The following NOL4 variants were observed in gnomAD, a reference collection of about 807,000 sequenced individuals.
NOL4 encodes cancer/testis antigen 125.
NOL4 carries 17 observed loss-of-function variants against 75.9 expected under a neutral mutation model. The observed-to-expected ratio is 0.22, with a 90% CI of 0.15 to 0.34. The LOEUF (loss-of-function observed/expected upper bound fraction) is 0.34. NOL4 is among the 10% of genes least tolerant of loss of function. The pLI is 1.00. For missense variants in NOL4, 614 were observed against 793.5 expected (o/e 0.77, Z 2.72); for synonymous variants, 292 against 289.9 (o/e 1.01, Z -0.07).
intron 1 of NOL4, among the ~76,000 whole-genome samples, chr18:34,179,056 T>A (rs4255845): frequency 0.5 from 74,860 of 150,732 alleles, 18,597 homozygotes; most frequent in Admixed American, 0.56. Flanking sequence ...GAAAATTCAC[T>A]AATGTGGAAA....
intron 1 of NOL4, among the ~76,000 whole-genome samples, chr18:34,131,260 C>A (rs2080638032): frequency 6.6e-6 from 1 of 152,036 alleles, no homozygotes; most frequent in African/African-American, 2.4e-5. Flanking sequence ...GAGCTCACTG[C>A]AAAAACAAAA....
chr18:33,943,202 T>C, intron 8 of NOL4, 24 bp from the exon 9 acceptor site: 2 of 1,527,780 alleles, frequency 1.3e-6, no homozygotes, highest in Non-Finnish European at 1.8e-6. Flanking sequence ...GAGAAAAGTA[T>C]GAAAAAAATT....
intron 6 of NOL4, among the ~76,000 whole-genome samples, chr18:33,983,229 A>G (rs1158644882): frequency 6.6e-6 from 1 of 152,126 alleles, no homozygotes; most frequent in Non-Finnish European, 1.5e-5. Context: ...AAGGATTTTA[A>G]GATACTGAAA....
At chr18:33,862,295 T>C (rs1475160879) in intron 10 of NOL4, among the ~76,000 whole-genome samples, 2 of 152,138 alleles carry the variant, frequency 1.3e-5, no homozygotes, top group Admixed American at 6.6e-5. Context: ...ACTTAAACGT[T>C]AGACCTAAAA....
chr18:34,151,873 G>A (rs1012644612), intron 1 of NOL4, among the ~76,000 whole-genome samples: 3 of 151,648 alleles, frequency 2.0e-5, no homozygotes, highest in Non-Finnish European at 4.4e-5. Flanking sequence ...AATGAGAGGG[G>A]GAAAAGGATA....
chr18:33,975,376 A>G (rs939264097), intron 6 of NOL4, among the ~76,000 whole-genome samples: 2 of 152,232 alleles, frequency 1.3e-5, no homozygotes, highest in Non-Finnish European at 2.9e-5. Context: ...TACAAAGAAG[A>G]AATCTAATTA....
At chr18:33,973,150 C>A (rs2071215205) in intron 6 of NOL4, among the ~76,000 whole-genome samples, 1 of 152,164 alleles carries the variant, frequency 6.6e-6, no homozygotes, top group Admixed American at 6.5e-5. Context: ...TATTCTAAAT[C>A]TTTTTGTTTG....
intron 1 of NOL4, among the ~76,000 whole-genome samples, chr18:34,133,127 C>G (rs2145924677): frequency 6.6e-6 from 1 of 151,964 alleles, no homozygotes; most frequent in South Asian, 2.1e-4. Flanking sequence ...ACAAAATTAG[C>G]TGGGTGTGGT....
At chr18:34,075,558 G>T (rs1324549813) in intron 5 of NOL4, among the ~76,000 whole-genome samples, 4 of 152,030 alleles carry the variant, frequency 2.6e-5, no homozygotes, top group East Asian at 1.9e-4. Flanking sequence ...TGAGCATTTT[G>T]GGTTTCATAT....
At chr18:34,094,147 T>G (rs984007522) in intron 4 of NOL4, among the ~76,000 whole-genome samples, 1 of 152,218 alleles carries the variant, frequency 6.6e-6, no homozygotes, top group African/African-American at 2.4e-5. Context: ...TAGTAAATAC[T>G]TTCTAAAAGA....
chr18:34,031,403 T>C (rs2075633509), intron 5 of NOL4, among the ~76,000 whole-genome samples: 1 of 152,200 alleles, frequency 6.6e-6, no homozygotes, highest in South Asian at 2.1e-4. Flanking sequence ...GCCCATTTAT[T>C]ATTAGATTCA....
At chr18:33,987,177 T>C (rs1274513113) in intron 6 of NOL4, among the ~76,000 whole-genome samples, 1 of 152,118 alleles carries the variant, frequency 6.6e-6, no homozygotes, top group East Asian at 1.9e-4. Context: ...GTGAATTTTG[T>C]TGTATATAAA....
At chr18:34,210,610 A>G (rs555744604) in intron 1 of NOL4, among the ~76,000 whole-genome samples, 25 of 152,318 alleles carry the variant, frequency 1.6e-4, no homozygotes, top group African/African-American at 5.8e-4. Flanking sequence ...TATACAGAAG[A>G]AAGAGAAAGT....
chr18:34,023,360 A>G (rs1296214807), intron 5 of NOL4: 1 of 451,640 alleles, frequency 2.2e-6, no homozygotes, highest in Non-Finnish European at 4.5e-6. Context: ...ACTTTTTAAG[A>G]ATTTAAAATC....
chr18:34,095,391 C>T lies in NOL4; in HGVS notation c.640-1794G>A, dbSNP rs546196654. Among the ~76,000 whole-genome samples, 18 of 151,776 alleles carry T rather than the reference C, an allele frequency of 1.2e-4. 1 individual carries two copies. In the South Asian group the frequency reaches 3.5e-3, roughly 30 times the overall value. On this transcript the variant is annotated intron_variant, in intron 4 of 10. Transcript: ENST00000261592. ...AAATACATACATATATATATACACA[C>T]GTTGATAGATGATACAGATATCTAT...
intron 9 of NOL4, among the ~76,000 whole-genome samples, chr18:33,894,566 A>G (rs1356419099): frequency 1.3e-5 from 2 of 152,150 alleles, no homozygotes; most frequent in African/African-American, 4.8e-5. Context: ...TGAAATGACA[A>G]GGAAACCAGA....
At chr18:34,136,652 C>G (rs1004956851) in intron 1 of NOL4, among the ~76,000 whole-genome samples, 1 of 152,006 alleles carries the variant, frequency 6.6e-6, no homozygotes, top group African/African-American at 2.4e-5. Context: ...GACTTATACA[C>G]TGAACATTAT....
intron 9 of NOL4, among the ~76,000 whole-genome samples, chr18:33,903,250 A>T (rs576854104): frequency 1.3e-5 from 2 of 152,228 alleles, no homozygotes; most frequent in South Asian, 4.1e-4. Flanking sequence ...ACAGGGGGAA[A>T]CTTCCACTTT....
intron 2 of NOL4, among the ~76,000 whole-genome samples, chr18:34,110,115 C>T (rs186251157): frequency 0.011 from 1,514 of 133,670 alleles, 12 homozygotes; most frequent in Middle Eastern, 0.045. Context: ...CTCCTTCCAT[C>T]CCCGCCCTCC....
Sources: allele counts gnomAD v4.1 joint callset (sites outside exome capture counted in the v4.1 genomes callset), GRCh38; gene constraint gnomAD v4.1.1; transcripts MANE v1.5; gene names NCBI Gene and HGNC (gene_info 2026-07-23, HGNC 2026-07-21).